The following NMU variants were observed in gnomAD, a reference collection of about 807,000 sequenced individuals.
NMU encodes the protein neuromedin-U.
Under a neutral mutation model 35.4 loss-of-function variants are expected in NMU, and 29 were observed. That is an observed-to-expected ratio of 0.82 (90% confidence interval 0.61 to 1.12). The LOEUF (loss-of-function observed/expected upper bound fraction) is 1.12. NMU is among the 50% of genes most tolerant of loss of function. The pLI is 0.00. For missense variants in NMU, 199 were observed against 206.2 expected (o/e 0.97, Z 0.21); for synonymous variants, 78 against 81.3 (o/e 0.96, Z 0.22).
At chr4:55,604,756 C>T (rs2110188220) in intron 7 of NMU, among the ~76,000 whole-genome samples, 1 of 129,778 alleles carries the variant, frequency 7.7e-6, no homozygotes, top group South Asian at 2.5e-4. Context: ...TGGTCTTGAA[C>T]TCCTGACCTC....
chr4:55,625,109 G>T (rs1456668487), intron 2 of NMU, among the ~76,000 whole-genome samples: 1 of 110,050 alleles, frequency 9.1e-6, no homozygotes, highest in African/African-American at 3.4e-5. Flanking sequence ...CATGGCACAT[G>T]TATACATATG....
At chr4:55,633,736 T>A (rs577236309) in intron 1 of NMU, among the ~76,000 whole-genome samples, 1 of 152,332 alleles carries the variant, frequency 6.6e-6, no homozygotes, top group African/African-American at 2.4e-5. Flanking sequence ...GAGTATGTAC[T>A]TCACTGTCGG....
chr4:55,625,138 T>A (rs1734469537), intron 2 of NMU, among the ~76,000 whole-genome samples: 1 of 102,684 alleles, frequency 9.7e-6, no homozygotes, highest in Non-Finnish European at 1.8e-5. Flanking sequence ...CTGCACAAAG[T>A]GCACATGTAC....
At chr4:55,602,503 T>C (rs1733466957) in intron 7 of NMU, among the ~76,000 whole-genome samples, 1 of 152,202 alleles carries the variant, frequency 6.6e-6, no homozygotes, top group Non-Finnish European at 1.5e-5. Context: ...TGTACTAAAC[T>C]GGCCACAATA....
Position 55,610,281 on chromosome 4 carries a change from G to A in NMU, c.220-1102C>T, listed in dbSNP as rs552974372. Among the ~76,000 whole-genome samples, 8 of 151,994 alleles carry A rather than the reference G, an allele frequency of 5.3e-5. No homozygotes were observed. In the South Asian group the frequency reaches 6.2e-4, roughly 12 times the overall value. On this transcript the variant is annotated intron_variant, in intron 3 of 9. Transcript: ENST00000264218. ...AATTCGAGACCAGCCTGGCCAACAC[G>A]GTGAAACCCAGTCTCTACTAAAATA...
rs370551492 is a variant in NMU, at chr4:55,608,002, C to G, written c.280-536G>C. Among the ~76,000 whole-genome samples the G allele has an allele frequency of 1.7e-4, 26 of 152,010 alleles. No individual in the cohort carries two copies. In the South Asian group the frequency reaches 5.4e-3, roughly 32 times the overall value. ...TGGCTAACACGGTGAAACCCTGTCT[C>G]TACTAAAAAAAATACAAAAAATTAG... On this transcript the variant is annotated intron_variant, in intron 4 of 9. Transcript: ENST00000264218.
chr4:55,607,514 A>G (rs1201502365), intron 4 of NMU, 48 bp from the exon 5 acceptor site: 1 of 689,288 alleles, frequency 1.5e-6, no homozygotes, highest in Non-Finnish European at 2.5e-6. Context: ...GTAAAATTTT[A>G]CTATCTTATA....
intron 3 of NMU, among the ~76,000 whole-genome samples, chr4:55,610,477 A>G (rs1733889553): frequency 6.6e-6 from 1 of 151,454 alleles, no homozygotes; most frequent in African/African-American, 2.4e-5. Context: ...AAAAAAAAAA[A>G]AGAAAGACAT....
intron 3 of NMU, among the ~76,000 whole-genome samples, chr4:55,612,200 T>C (rs749198868): frequency 3.3e-5 from 5 of 152,194 alleles, no homozygotes; most frequent in Non-Finnish European, 5.9e-5. Flanking sequence ...CCTTAACAGC[T>C]TGGTCAAGAC....
intron 2 of NMU, 80 bp from the exon 3 acceptor site, chr4:55,616,465 C>T: frequency 9.5e-7 from 1 of 1,053,908 alleles, no homozygotes; most frequent in Non-Finnish European, 1.5e-6. Context: ...AGTCACATTA[C>T]CTATGGAACA....
chr4:55,611,547 T>C (rs1325336742), intron 3 of NMU, among the ~76,000 whole-genome samples: 1 of 152,230 alleles, frequency 6.6e-6, no homozygotes, highest in Admixed American at 6.5e-5. Context: ...ACTGACTCAC[T>C]GACTCACCCA....
Position 55,636,265 on chromosome 4 carries a change from C to T in NMU, c.-73G>A. Reference sequence around the variant, plus strand: ...CGCGTAGCTGGTGCTCCACCTGGTGCCCTGGCTGTGCCTCGGGGCCCGGAC... The same window carrying T: ...CGCGTAGCTGGTGCTCCACCTGGTGTCCTGGCTGTGCCTCGGGGCCCGGAC... On this transcript the variant is annotated 5_prime_UTR_variant, in exon 1 of 10. Transcript: ENST00000264218. This position sits in a 1 kb window ranked among gnomAD's most constrained non-coding sequence, Gnocchi z 4.0. 7.1e-7 allele frequency: 1 copy of T among 1,404,402 alleles called. No individual in the cohort carries two copies. The highest frequency in any genetic ancestry group is 9.2e-7 in the Non-Finnish European group (1 of 1,089,450). 87.0% of individuals were successfully genotyped at this position (1,404,402 alleles called of 1,614,324 possible).
chr4:55,615,068 G>T (rs987775951), intron 3 of NMU, among the ~76,000 whole-genome samples: 12 of 152,132 alleles, frequency 7.9e-5, no homozygotes, highest in Non-Finnish European at 1.8e-4. Flanking sequence ...TGGGCACCTC[G>T]GCCAAACTAT....
Position 55,631,522 on chromosome 4 carries a change from T to C in NMU, c.113-1062A>G, listed in dbSNP as rs536983260. 8.5e-5 allele frequency among the ~76,000 whole-genome samples: 13 copies of C among 152,106 alleles called. No individual in the cohort carries two copies. In the East Asian group the frequency reaches 2.5e-3, roughly 29 times the overall value. ...TTGGCAAAGGACATGAATAGACATT[T>C]CTCAAAAGAAGATACACAAACAGCC... On this transcript the variant is annotated intron_variant, in intron 1 of 9. Transcript: ENST00000264218.
At chr4:55,629,980 A>T (rs1734692477) in intron 2 of NMU, among the ~76,000 whole-genome samples, 1 of 151,976 alleles carries the variant, frequency 6.6e-6, no homozygotes, top group Non-Finnish European at 1.5e-5. Flanking sequence ...ATTCTATTTG[A>T]TGAGATATAT....
chr4:55,604,561 C>T (rs1414563249), intron 7 of NMU, among the ~76,000 whole-genome samples: 2 of 141,938 alleles, frequency 1.4e-5, no homozygotes, highest in Non-Finnish European at 3.0e-5. Flanking sequence ...GAGACGGAGT[C>T]TTGCTCTGTC....
In NMU at chr4:55,617,569, G is replaced by A. The variant is rs1401806631; in HGVS notation, c.172-1184C>T. On this transcript the variant is annotated intron_variant, in intron 2 of 9. Transcript: ENST00000264218. The stretch of plus-strand genomic sequence containing the variant: ...GTAGGGGCCGTGTTATCGCTAAATT[G>A]CCCAGAATAAGTGTTCAACAAAAAT... Among the ~76,000 whole-genome samples, 4 of 151,940 alleles carry A rather than the reference G, an allele frequency of 2.6e-5. No individual in the cohort carries two copies. The East Asian group carries it at 7.7e-4, about 29-fold the overall frequency.
intron 7 of NMU, among the ~76,000 whole-genome samples, chr4:55,603,926 AAT>A (rs766633520): frequency 0.022 from 969 of 43,460 alleles, 173 homozygotes; most frequent in African/African-American, 0.092. Flanking sequence ...AAAAAAAAAA[AAT>A]ATATATATAT....
At chr4:55,597,379 G>A (rs984780847) in intron 9 of NMU, among the ~76,000 whole-genome samples, 2 of 150,980 alleles carry the variant, frequency 1.3e-5, no homozygotes, top group African/African-American at 4.9e-5. Flanking sequence ...TTTTGAGTGG[G>A]CATAGTTTCC....
Sources: gnomAD v4.1 joint callset for allele counts (sites outside exome capture counted in the v4.1 genomes callset) on GRCh38, gnomAD v4.1.1 for gene constraint, Gnocchi (gnomAD v3.1) non-coding constraint, MANE v1.5 for transcripts, NCBI Gene and HGNC (gene_info 2026-07-23, HGNC 2026-07-21) for gene names.